ARHGEF28: variants seen among roughly 807,000 people sequenced by gnomAD.
The protein encoded by ARHGEF28 is Rho guanine nucleotide exchange factor 28.
ARHGEF28 carries 152 observed loss-of-function variants against 206.6 expected under a neutral mutation model. The ratio of observed to expected loss-of-function variants is 0.74; its 90% confidence interval spans 0.64 to 0.84. The LOEUF is 0.84. Among genes scored for constraint, ARHGEF28 ranks in the 40% least tolerant of loss-of-function variants. The pLI, the probability that ARHGEF28 is intolerant of heterozygous loss-of-function variation, is 0.00. For missense variants in ARHGEF28, 2,028 were observed against 2,073.2 expected (o/e 0.98, Z 0.42); for synonymous variants, 763 against 776.4 (o/e 0.98, Z 0.29).
chr5:73,879,831 C>T (rs886719894), intron 22 of ARHGEF28, among the ~76,000 whole-genome samples: 10 of 152,082 alleles, frequency 6.6e-5, no homozygotes, highest in African/African-American at 2.4e-4. Context: ...GTCAGTCTGC[C>T]CCTACTGGGG....
chr5:73,866,555 G>C (rs1759720375), intron 18 of ARHGEF28, among the ~76,000 whole-genome samples: 1 of 152,146 alleles, frequency 6.6e-6, no homozygotes, highest in South Asian at 2.1e-4. Flanking sequence ...AATTAGCTGT[G>C]CTTGAGGCTG....
chr5:73,867,630 C>T (rs1759792288), intron 18 of ARHGEF28, among the ~76,000 whole-genome samples: 1 of 152,166 alleles, frequency 6.6e-6, no homozygotes, highest in Non-Finnish European at 1.5e-5. Flanking sequence ...TGTGCAATCC[C>T]AAACACCCAC....
At position 73,740,000 on chromosome 5, in the gene ARHGEF28, C is replaced by T. The variant is rs561551223; in HGVS notation, c.34-9837C>T. On this transcript the variant is annotated intron_variant, in intron 2 of 35. Coordinates refer to ENST00000513042, the MANE Select transcript of ARHGEF28 (RefSeq NM_001177693.2). The stretch of plus-strand genomic sequence containing the variant: ...CCTGGGCAACATAGTGAGACTTTGT[C>T]TCTACCAAAAAAAAAAAAAAAATTT... 3.2e-3 allele frequency among the ~76,000 whole-genome samples: 442 copies of T among 139,318 alleles called. 1 individual carries two copies. The highest frequency in any genetic ancestry group is 5.7e-3 in the African/African-American group (210 of 36,916). The allele number at this position is 139,318 out of a possible 152,430, so 91.4% of individuals were successfully genotyped here.
intron 2 of ARHGEF28, among the ~76,000 whole-genome samples, chr5:73,707,247 G>A (rs1267117488): frequency 1.3e-5 from 2 of 152,190 alleles, no homozygotes; most frequent in South Asian, 2.1e-4. Context: ...AGCTGCCTGT[G>A]ACCAGAGCAG....
intron 35 of ARHGEF28, among the ~76,000 whole-genome samples, chr5:73,930,585 C>T (rs1404952483): frequency 2.0e-5 from 3 of 152,176 alleles, no homozygotes; most frequent in Admixed American, 6.5e-5. Flanking sequence ...AAAGGACATT[C>T]GTGAGAACTA....
chr5:73,705,285 G>A (rs1452381584), intron 2 of ARHGEF28, among the ~76,000 whole-genome samples: 1 of 152,144 alleles, frequency 6.6e-6, no homozygotes, highest in Non-Finnish European at 1.5e-5. Flanking sequence ...ACACTTTAAA[G>A]ATACACACTT....
chr5:73,848,411 G>T (rs17665267), intron 12 of ARHGEF28, among the ~76,000 whole-genome samples: 16,297 of 152,176 alleles, frequency 0.11, 1,022 homozygotes, highest in East Asian at 0.24. Context: ...TAGATGGAAG[G>T]TCTATCAAAA....
intron 1 of ARHGEF28, among the ~76,000 whole-genome samples, chr5:73,630,948 T>G (rs2112114619): frequency 6.6e-6 from 1 of 152,340 alleles, no homozygotes; most frequent in Middle Eastern, 3.4e-3. Flanking sequence ...ATTCCTTATC[T>G]CTCCTTGACT....
intron 7 of ARHGEF28, among the ~76,000 whole-genome samples, chr5:73,791,583 T>C (rs909676235): frequency 6.6e-6 from 1 of 152,212 alleles, no homozygotes; most frequent in Non-Finnish European, 1.5e-5. Context: ...GCTTTTTTAT[T>C]TGCTTAAGTC....
At chr5:73,753,283 C>T in intron 4 of ARHGEF28, 81 bp downstream of exon 4, 1 of 1,400,002 alleles carries the variant, frequency 7.1e-7, no homozygotes, top group Non-Finnish European at 9.4e-7. Flanking sequence ...GTGTGTTCCC[C>T]TCGGCAGGTT....
At chr5:73,637,298 C>G (rs1743783448) in intron 1 of ARHGEF28, among the ~76,000 whole-genome samples, 1 of 152,132 alleles carries the variant, frequency 6.6e-6, no homozygotes, top group Admixed American at 6.5e-5. Context: ...CCTAACCCCG[C>G]TCCCATCTTT....
chr5:73,812,204 C>G (rs1755882247), intron 9 of ARHGEF28, among the ~76,000 whole-genome samples: 1 of 152,166 alleles, frequency 6.6e-6, no homozygotes, highest in African/African-American at 2.4e-5. Flanking sequence ...ATGCCTCACT[C>G]AACCCCTACC....
chr5:73,707,707 T>C (rs1749017574), intron 2 of ARHGEF28, among the ~76,000 whole-genome samples: 1 of 152,238 alleles, frequency 6.6e-6, no homozygotes, highest in Non-Finnish European at 1.5e-5. Flanking sequence ...GTGAATTTTT[T>C]ATTGTCTTGG....
chr5:73,716,824 C>G (rs1025616874), intron 2 of ARHGEF28, among the ~76,000 whole-genome samples: 5 of 152,004 alleles, frequency 3.3e-5, no homozygotes, highest in African/African-American at 1.2e-4. Context: ...TTTAGTTAAA[C>G]TAAATACTAG....
intron 20 of ARHGEF28, 21 bp downstream of exon 20, chr5:73,868,248 C>T (rs754659550): frequency 1.3e-6 from 2 of 1,543,642 alleles, no homozygotes. Flanking sequence ...GACACACTTC[C>T]ATTTATTTGT....
intron 2 of ARHGEF28, among the ~76,000 whole-genome samples, chr5:73,748,340 C>T (rs959450523): frequency 7.0e-6 from 1 of 142,354 alleles, no homozygotes; most frequent in Non-Finnish European, 1.6e-5. Flanking sequence ...AACTGCCAAC[C>T]AGTGATTTTT....
chr5:73,874,518 G>C (rs1488110486), intron 22 of ARHGEF28, among the ~76,000 whole-genome samples: 2 of 147,920 alleles, frequency 1.4e-5, no homozygotes, highest in Non-Finnish European at 3.0e-5. Context: ...CCTTTAACTC[G>C]TCATTTAGCA....
rs747271912 is a variant in ARHGEF28, at chr5:73,846,297, G to A, written c.1457G>A (p.Ser486Asn). The A allele has an allele frequency of 1.3e-5, 21 of 1,613,614 alleles. 1 individual carries two copies. In the South Asian group the frequency reaches 2.1e-4, roughly 16 times the overall value. ...SSSLDALDAD[S>N]EGEGHSEPSH... ...AGCCTTGATGCCTTGGACGCCGACA[G>A]TGAAGGGGAAGGGCATTCTGAGCCA... Residue 486 changes from serine to asparagine, a missense_variant, in exon 12 of 36, where the codon AGT (serine) becomes AAT (asparagine). Coordinates refer to ENST00000513042, the MANE Select transcript of ARHGEF28 (RefSeq NM_001177693.2).
In ARHGEF28 at chr5:73,832,225, G is replaced by T. The variant is rs560635230; in HGVS notation, c.1025-113G>T. ...TGTAGATCTTAAAATCTAGCCAAAAGCCCTCTTAAAAAATGCACTTGACTT... is the reference window on the plus strand; with the variant it reads ...TGTAGATCTTAAAATCTAGCCAAAATCCCTCTTAAAAAATGCACTTGACTT... On this transcript the variant is annotated intron_variant, in intron 9 of 35. Coordinates refer to ENST00000513042, the MANE Select transcript of ARHGEF28 (RefSeq NM_001177693.2). 6.2e-6 allele frequency: 8 copies of T among 1,295,858 alleles called. No individual in the cohort carries two copies. The African/African-American group carries it at 1.0e-4, about 17-fold the overall frequency. 80.3% of individuals were successfully genotyped at this position (1,295,858 alleles called of 1,614,324 possible).
Sources: allele counts gnomAD v4.1 joint callset (sites outside exome capture counted in the v4.1 genomes callset), GRCh38; gene constraint gnomAD v4.1.1; transcripts MANE v1.5; gene names NCBI Gene and HGNC (gene_info 2026-07-23, HGNC 2026-07-21).